Variants in CHD7 observed in about 807,000 individuals in gnomAD.
The protein encoded by CHD7 is chromodomain helicase DNA binding protein 7.
A neutral mutation model predicts 307.3 loss-of-function variants in CHD7; 24 were observed. The ratio of observed to expected loss-of-function variants is 0.08; its 90% CI spans 0.06 to 0.11. The LOEUF (loss-of-function observed/expected upper bound fraction) is 0.11. Among genes scored for constraint, CHD7 ranks in the 10% least tolerant of loss-of-function variants. The pLI is 1.00. For missense variants in CHD7, 3,106 were observed against 3,727.1 expected, an observed-to-expected ratio of 0.83 and a Z score of 4.34; for synonymous variants, 1,363 against 1,349.9, an observed-to-expected ratio of 1.01 and a Z score of -0.21.
intron 13 of CHD7, among the ~76,000 whole-genome samples, chr8:60,826,292 A>AAAATATTTAT (rs1778905301): frequency 1.3e-5 from 2 of 152,070 alleles, no homozygotes; most frequent in African/African-American, 4.8e-5. Flanking sequence ...GCACATGAAC[A>AAAATATTTAT]AAATATTTAT....
chr8:60,842,068 T>C lies in CHD7; in HGVS notation c.4850+16T>C. 1.3e-6 allele frequency: 2 copies of C among 1,579,144 alleles called. No homozygotes were observed. The highest frequency in any genetic ancestry group is 1.7e-6 in the Non-Finnish European group (2 of 1,157,846). On this transcript the variant is annotated intron_variant, in intron 21 of 37. Coordinates refer to ENST00000423902, the MANE Select transcript of CHD7 (RefSeq NM_017780.4). ...TTGTCTATGGGTAAGTAGGACTCACTACGTAAGATAGAATTTTATTGTAAC... is the reference window on the plus strand; with the variant it reads ...TTGTCTATGGGTAAGTAGGACTCACCACGTAAGATAGAATTTTATTGTAAC...
chr8:60,848,667 C>A, intron 24 of CHD7, 63 bp downstream of exon 24: 3 of 1,294,340 alleles, frequency 2.3e-6, no homozygotes, highest in South Asian at 1.2e-5. Context: ...CGGAAAACAT[C>A]ATGGATTGTG....
intron 1 of CHD7, among the ~76,000 whole-genome samples, chr8:60,696,979 A>G (rs929426023): frequency 3.3e-5 from 5 of 152,124 alleles, no homozygotes; most frequent in Non-Finnish European, 5.9e-5. Flanking sequence ...ATCAAGGAAC[A>G]TAAGAATAAT....
chr8:60,698,216 C>T (rs763408386), intron 1 of CHD7, among the ~76,000 whole-genome samples: 3 of 152,136 alleles, frequency 2.0e-5, no homozygotes, highest in Non-Finnish European at 4.4e-5. Context: ...TCCTGTTTGT[C>T]AGAAGTTTAA....
chr8:60,849,674 C>A (rs772576092), intron 25 of CHD7, among the ~76,000 whole-genome samples: 1 of 152,160 alleles, frequency 6.6e-6, no homozygotes, highest in Non-Finnish European at 1.5e-5. Context: ...GTGAGCGATT[C>A]CTGATTATAA....
intron 1 of CHD7, among the ~76,000 whole-genome samples, chr8:60,707,226 A>C (rs768939165): frequency 6.6e-6 from 1 of 152,216 alleles, no homozygotes; most frequent in Non-Finnish European, 1.5e-5. Context: ...TTGCTTATTC[A>C]TGCATCCACA....
intron 2 of CHD7, among the ~76,000 whole-genome samples, chr8:60,759,482 TCTCTCCCTCTCC>T (rs145962670): frequency 2.1e-5 from 3 of 143,616 alleles, no homozygotes; most frequent in Non-Finnish European, 3.0e-5. Flanking sequence ...CCTCTCTCCC[TCTCTCCCTCTCC>T]CTCTCCCTCT....
chr8:60,816,173 G>A (rs1370323918), intron 7 of CHD7, among the ~76,000 whole-genome samples: 1 of 149,248 alleles, frequency 6.7e-6, no homozygotes, highest in Non-Finnish European at 1.5e-5. Context: ...TAAGAGAGCT[G>A]GAGGCTTAGG....
intron 1 of CHD7, among the ~76,000 whole-genome samples, chr8:60,698,748 G>A (rs930725511): frequency 6.6e-6 from 1 of 152,212 alleles, no homozygotes; most frequent in Non-Finnish European, 1.5e-5. Flanking sequence ...GAGCCTTGAT[G>A]TCTAGTGGTA....
intron 2 of CHD7, among the ~76,000 whole-genome samples, chr8:60,765,944 G>A (rs769450208): frequency 2.0e-5 from 3 of 152,218 alleles, no homozygotes; most frequent in Non-Finnish European, 2.9e-5. Flanking sequence ...GGAAAGGACA[G>A]ACGAGGGAAG....
rs548074036 is a variant in CHD7 at position 60,742,798 on chromosome 8, C to G, written c.1366C>G (p.Gln456Glu). Residue 456 changes from glutamine (Q) to glutamate (E), a missense_variant, in exon 2 of 38, where the codon CAG (glutamine) becomes GAG (glutamate). Coordinates refer to ENST00000423902, the MANE Select transcript of CHD7 (RefSeq NM_017780.4). ...GQRNMGPRNM[Q>E]QSRPFIGMSS... is the part of the protein sequence containing the mutation. ...GAGGAATATGGGCCCCAGAAACATG[C>G]AGCAGTCTCGTCCATTTATAGGCAT... The G allele has an allele frequency of 6.2e-7, 1 of 1,614,056 alleles. No individual in the cohort carries two copies. The highest frequency in any genetic ancestry group is 2.2e-5 in the East Asian group (1 of 44,894).
intron 2 of CHD7, 32 bp downstream of exon 2, chr8:60,743,129 C>T: frequency 1.3e-6 from 2 of 1,575,126 alleles, no homozygotes; most frequent in Non-Finnish European, 1.7e-6. Flanking sequence ...CTCTGCATTG[C>T]AGTGTGAAAT....
At chr8:60,783,011 G>A (rs1811330861) in intron 3 of CHD7, among the ~76,000 whole-genome samples, 1 of 152,022 alleles carries the variant, frequency 6.6e-6, no homozygotes, top group African/African-American at 2.4e-5. Context: ...GTGTTCTAAA[G>A]AAGCTTTTTG....
At chr8:60,794,850 C>T in intron 3 of CHD7, 136 bp from the exon 4 acceptor site, 1 of 712,754 alleles carries the variant, frequency 1.4e-6, no homozygotes, top group Non-Finnish European at 2.2e-6. Flanking sequence ...TTGGGAGTTG[C>T]ATTTAACTGT....
chr8:60,866,864 T>G lies in CHD7; in HGVS notation c.*931T>G, dbSNP rs1464893301. 6.6e-6 allele frequency: 1 copy of G among 152,660 alleles called. No homozygotes were observed. Among genetic ancestry groups the G allele is most frequent in the African/African-American group, 2.4e-5 (1 of 41,462 alleles). 9.5% of individuals were successfully genotyped at this position (152,660 alleles called of 1,614,324 possible). On this transcript the variant is annotated 3_prime_UTR_variant, in exon 38 of 38. Coordinates refer to ENST00000423902, the MANE Select transcript of CHD7 (RefSeq NM_017780.4). The stretch of plus-strand genomic sequence containing the variant: ...TGTAAATTGCTGCCAACTGTAGTAA[T>G]GATGCTTTTAATAAAAGTGACCCAT...
intron 1 of CHD7, chr8:60,679,458 C>A (rs1163906102): frequency 1.7e-5 from 2 of 119,622 alleles, no homozygotes; most frequent in African/African-American, 3.0e-5. Flanking sequence ...GTACGGGGGA[C>A]AGGAGGGAGC....
At chr8:60,749,370 CAAAAAAAAAAA>C (rs55661758) in intron 2 of CHD7, among the ~76,000 whole-genome samples, 1 of 56,286 alleles carries the variant, frequency 1.8e-5, no homozygotes, top group Non-Finnish European at 2.9e-5. Context: ...GACTCTGTAT[CAAAAAAAAAAA>C]AAAAAAAAAA....
chr8:60,714,937 G>T (rs1357892820), intron 1 of CHD7, among the ~76,000 whole-genome samples: 1 of 152,252 alleles, frequency 6.6e-6, no homozygotes, highest in Non-Finnish European at 1.5e-5. Flanking sequence ...GAGCATGAGG[G>T]CGCAGGCGCC....
At chr8:60,711,581 A>T (rs934694677) in intron 1 of CHD7, among the ~76,000 whole-genome samples, 1 of 152,226 alleles carries the variant, frequency 6.6e-6, no homozygotes, top group African/African-American at 2.4e-5. Flanking sequence ...CGAGGAATAG[A>T]AATGGTGTTA....
Sources: allele counts gnomAD v4.1 joint callset (sites outside exome capture counted in the v4.1 genomes callset), GRCh38; gene constraint gnomAD v4.1.1; transcripts MANE v1.5; gene names NCBI Gene and HGNC (gene_info 2026-07-23, HGNC 2026-07-21).